Variants in DPYSL2 observed in about 807,000 individuals in gnomAD.
DPYSL2 encodes dihydropyrimidinase-related protein 2.
In DPYSL2, 13 loss-of-function variants were observed where a neutral mutation model predicts 69.9. That is an observed-to-expected ratio of 0.19 (90% CI 0.12 to 0.30). The LOEUF (loss-of-function observed/expected upper bound fraction) is 0.30, where lower values mean the gene tolerates loss of function less well. Among genes scored for constraint, DPYSL2 ranks in the 10% least tolerant of loss-of-function variants. DPYSL2 has a pLI of 1.00. For synonymous variants in DPYSL2, 326 were observed against 359.1 expected (o/e 0.91, Z 1.04); for missense variants, 587 against 918.9 (o/e 0.64, Z 4.67).
intron 1 of DPYSL2, among the ~76,000 whole-genome samples, chr8:26,521,742 T>C (rs1488424163): frequency 6.6e-6 from 1 of 152,170 alleles, no homozygotes; most frequent in Non-Finnish European, 1.5e-5. Context: ...ATTTGCCTAT[T>C]CTGGACATTT....
intron 3 of DPYSL2, among the ~76,000 whole-genome samples, chr8:26,608,489 G>C (rs956172588): frequency 2.6e-5 from 4 of 152,158 alleles, no homozygotes; most frequent in African/African-American, 9.7e-5. Flanking sequence ...CATCATTCTT[G>C]AGGACGAAGA....
At chr8:26,577,910 A>C in intron 1 of DPYSL2, 15 of 1,152,232 alleles carry the variant, frequency 1.3e-5, no homozygotes, top group Non-Finnish European at 1.5e-5. Context: ...CTGGCGGCGC[A>C]TGCGCCACGG....
rs1233723037 is a variant in DPYSL2 at position 26,621,417 on chromosome 8, A to C, written c.629-2726A>C. On this transcript the variant is annotated intron_variant, in intron 3 of 13. Coordinates refer to ENST00000521913, the MANE Select transcript of DPYSL2 (RefSeq NM_001197293.3). The surrounding 1 kb of genome is among the most constrained non-coding windows in gnomAD (Gnocchi z 4.9). ...TGAGGGGAGGGGTCTTTGCCGCAGCAAAAGCTGGTCCGGTTCCCAGGAGAG... is the reference window on the plus strand; with the variant it reads ...TGAGGGGAGGGGTCTTTGCCGCAGCCAAAGCTGGTCCGGTTCCCAGGAGAG... 1.3e-5 allele frequency among the ~76,000 whole-genome samples: 2 copies of C among 152,216 alleles called. No homozygotes were observed. The highest frequency in any genetic ancestry group is 6.5e-5 in the Admixed American group (1 of 15,288).
chr8:26,531,381 A>G (rs980527720), intron 1 of DPYSL2, among the ~76,000 whole-genome samples: 30 of 152,118 alleles, frequency 2.0e-4, no homozygotes, highest in African/African-American at 7.2e-4. Flanking sequence ...CAACCTCTGC[A>G]ACCAGCTGGA....
rs183543624 is a variant in DPYSL2 at position 26,585,639 on chromosome 8, G to A, written c.628+1656G>A. Among the ~76,000 whole-genome samples, 104 of 152,304 alleles carry A rather than the reference G, an allele frequency of 6.8e-4. 1 individual carries two copies. Among genetic ancestry groups the A allele is most frequent in the African/African-American group, 2.4e-3 (100 of 41,560 alleles). On this transcript the variant is annotated intron_variant, in intron 3 of 13. Transcript: ENST00000521913. This position sits in a 1 kb window ranked among gnomAD's most constrained non-coding sequence, Gnocchi z 4.0. ...TGGGGAATCACTGGCACCTGTGGGC[G>A]TTTCTGCCTCTCCTCCAGGGCGGAC...
chr8:26,598,341 TA>T lies in DPYSL2; in HGVS notation c.628+14359del, dbSNP rs1801913212. ...TGGTCAGCATTGCTATGAAATGGTTTATTTTTTTGTGGATGTTTTAGAGCTC... is the reference window on the plus strand; with the variant it reads ...TGGTCAGCATTGCTATGAAATGGTTTTTTTTTTGTGGATGTTTTAGAGCTC... On this transcript the variant is annotated intron_variant, in intron 3 of 13. Coordinates refer to ENST00000521913, the MANE Select transcript of DPYSL2 (RefSeq NM_001197293.3). The surrounding 1 kb of genome is among the most constrained non-coding windows in gnomAD (Gnocchi z 4.2). 6.6e-6 allele frequency among the ~76,000 whole-genome samples: 1 copy of T among 152,388 alleles called. No homozygotes were observed. The highest frequency in any genetic ancestry group is 1.9e-4 in the East Asian group (1 of 5,188).
In DPYSL2 at chr8:26,587,000, A is replaced by G. The variant is rs1405054630; in HGVS notation, c.628+3017A>G. ...CTTTTGCAAATAACCACCTATGTTT[A>G]CTGACCTCTGTAGAATTTCTACTAG... On this transcript the variant is annotated intron_variant, in intron 3 of 13. Transcript: ENST00000521913. This position sits in a 1 kb window ranked among gnomAD's most constrained non-coding sequence, Gnocchi z 4.7. Among the ~76,000 whole-genome samples, 5 of 152,210 alleles carry G rather than the reference A, an allele frequency of 3.3e-5. No individual in the cohort carries two copies. The highest frequency in any genetic ancestry group is 7.4e-5 in the Non-Finnish European group (5 of 68,026).
In DPYSL2 at chr8:26,651,823, A is replaced by T. The variant is rs372927687; in HGVS notation, c.1597-434A>T. The stretch of plus-strand genomic sequence containing the variant: ...TTTAACCACACCGCAAACAGACTAG[A>T]AAACCAGGCTAGCCAGTGGGAAAAC... On this transcript the variant is annotated intron_variant, in intron 11 of 13. Transcript: ENST00000521913. Among the ~76,000 whole-genome samples the T allele has an allele frequency of 5.5e-4, 84 of 152,350 alleles. 1 individual carries two copies. In the South Asian group the frequency reaches 0.016, roughly 30 times the overall value.
intron 1 of DPYSL2, among the ~76,000 whole-genome samples, chr8:26,578,707 G>A (rs1801417558): frequency 6.6e-6 from 1 of 152,194 alleles, no homozygotes; most frequent in Non-Finnish European, 1.5e-5. Flanking sequence ...GGGGAGATGG[G>A]GACTTGGATC....
chr8:26,566,988 A>G (rs1206470546), intron 1 of DPYSL2, among the ~76,000 whole-genome samples: 1 of 151,166 alleles, frequency 6.6e-6, no homozygotes, highest in East Asian at 1.9e-4. Flanking sequence ...TCATCTGTCT[A>G]TCCATCTATT....
At chr8:26,589,300 C>T (rs545417417) in intron 3 of DPYSL2, among the ~76,000 whole-genome samples, 8 of 152,342 alleles carry the variant, frequency 5.3e-5, no homozygotes, top group Admixed American at 6.5e-5. Flanking sequence ...TCTTCGCAAA[C>T]GTTGGGCTTT....
chr8:26,570,548 C>T (rs404735), intron 1 of DPYSL2, among the ~76,000 whole-genome samples: 44,011 of 151,700 alleles, frequency 0.29, 7,348 homozygotes, highest in African/African-American at 0.46. Flanking sequence ...ACCAGCCTGG[C>T]CAACATAGTG....
At chr8:26,639,862 G>C (rs928867061) in intron 8 of DPYSL2, among the ~76,000 whole-genome samples, 1 of 152,148 alleles carries the variant, frequency 6.6e-6, no homozygotes, top group South Asian at 2.1e-4. Context: ...AATCAGATCT[G>C]AGAACGAATT....
Position 26,562,794 on chromosome 8 carries a change from G to A in DPYSL2, c.355-19175G>A, listed in dbSNP as rs779655139. ...CAGGGATATGTTGTCTCTGCTCCACGATGTCTAGGGCCGTATCTGGGAAAA... is the reference window on the plus strand; with the variant it reads ...CAGGGATATGTTGTCTCTGCTCCACAATGTCTAGGGCCGTATCTGGGAAAA... On this transcript the variant is annotated intron_variant, in intron 1 of 13. Coordinates refer to ENST00000521913, the MANE Select transcript of DPYSL2 (RefSeq NM_001197293.3). This position sits in a 1 kb window ranked among gnomAD's most constrained non-coding sequence, Gnocchi z 4.9. 2.0e-5 allele frequency among the ~76,000 whole-genome samples: 3 copies of A among 152,148 alleles called. No homozygotes were observed. The highest frequency in any genetic ancestry group is 3.9e-4 in the East Asian group (2 of 5,180).
chr8:26,572,466 G>C (rs1258290286), intron 1 of DPYSL2, among the ~76,000 whole-genome samples: 1 of 152,192 alleles, frequency 6.6e-6, no homozygotes, highest in African/African-American at 2.4e-5. Context: ...CCCCAGCCTT[G>C]TCAGGCCCTC....
At chr8:26,552,139 A>G (rs901726552) in intron 1 of DPYSL2, among the ~76,000 whole-genome samples, 1 of 152,208 alleles carries the variant, frequency 6.6e-6, no homozygotes, top group Non-Finnish European at 1.5e-5. Flanking sequence ...TGAATAGCAC[A>G]TGGGCCAAGG....
intron 1 of DPYSL2, chr8:26,578,397 T>C: frequency 4.4e-6 from 7 of 1,578,068 alleles, no homozygotes; most frequent in Non-Finnish European, 6.0e-6. Context: ...GGACCGAACT[T>C]TTTTTTTCCT....
rs1802629719 is a variant in DPYSL2 at position 26,626,870 on chromosome 8, C to T, written c.855+192C>T. On this transcript the variant is annotated intron_variant, in intron 5 of 13. Transcript: ENST00000521913. This position sits in a 1 kb window ranked among gnomAD's most constrained non-coding sequence, Gnocchi z 4.3. ...AGTGCCCTGGCCCCCAGCACTGCCA[C>T]TCCGCCGCCCTGGATCTGAGGCTCT... is the stretch of plus-strand genomic sequence containing the variant. Among the ~76,000 whole-genome samples the T allele has an allele frequency of 1.3e-5, 2 of 152,156 alleles. No homozygotes were observed. The highest frequency in any genetic ancestry group is 4.1e-4 in the South Asian group (2 of 4,826).
At chr8:26,541,114 C>T (rs1398573562) in intron 1 of DPYSL2, among the ~76,000 whole-genome samples, 2 of 151,776 alleles carry the variant, frequency 1.3e-5, no homozygotes, top group Middle Eastern at 3.4e-3. Context: ...TTCAAGTTGT[C>T]GAAAGTTAAG....
Sources: gnomAD v4.1 joint callset for allele counts (sites outside exome capture counted in the v4.1 genomes callset) on GRCh38, gnomAD v4.1.1 for gene constraint, Gnocchi (gnomAD v3.1) non-coding constraint, MANE v1.5 for transcripts, NCBI Gene and HGNC (gene_info 2026-07-23, HGNC 2026-07-21) for gene names.